The following TRAPPC9 variants were observed in gnomAD, a reference collection of about 807,000 sequenced individuals.
TRAPPC9 encodes trafficking protein particle complex subunit 9.
Under a neutral mutation model 124.0 loss-of-function variants are expected in TRAPPC9, and 83 were observed. That is an observed-to-expected ratio of 0.67 (90% CI 0.56 to 0.80). TRAPPC9 has a LOEUF of 0.80. Ranked by LOEUF, TRAPPC9 falls within the 30% of genes least tolerant of loss-of-function variation. The pLI, the probability that TRAPPC9 is intolerant of heterozygous loss-of-function variation, is 0.00. For synonymous variants in TRAPPC9, 638 were observed against 617.5 expected (o/e 1.03, Z -0.49); for missense variants, 1,302 against 1,508.3 (o/e 0.86, Z 2.27).
rs533864077 is a variant in TRAPPC9 at position 139,785,523 on chromosome 8, C to T, written c.3056-53321G>A. ...GACTAGCCTGGCCAACATGGTGAAA[C>T]CTCATCTCTACTAAACACACACACA... On this transcript the variant is annotated intron_variant, in intron 21 of 22. Coordinates refer to ENST00000438773, the MANE Select transcript of TRAPPC9 (RefSeq NM_001160372.4). 2.0e-5 allele frequency among the ~76,000 whole-genome samples: 3 copies of T among 149,068 alleles called. 1 individual carries two copies. In the South Asian group the frequency reaches 6.4e-4, roughly 32 times the overall value.
chr8:140,007,988 C>T (rs1838867020), intron 18 of TRAPPC9, among the ~76,000 whole-genome samples: 1 of 152,154 alleles, frequency 6.6e-6, no homozygotes, highest in African/African-American at 2.4e-5. Context: ...ACATGGAACT[C>T]GGGAGCACTA....
intron 10 of TRAPPC9, among the ~76,000 whole-genome samples, chr8:140,307,788 C>G (rs1335647671): frequency 1.3e-5 from 2 of 152,218 alleles, no homozygotes; most frequent in Non-Finnish European, 2.9e-5. Flanking sequence ...ATAGACATCT[C>G]TAGACCTGCC....
intron 21 of TRAPPC9, among the ~76,000 whole-genome samples, chr8:139,856,830 C>T (rs1378486585): frequency 6.6e-6 from 1 of 151,852 alleles, no homozygotes; most frequent in Admixed American, 6.5e-5. Flanking sequence ...CGTGCTCATT[C>T]ATTCAAACAT....
intron 17 of TRAPPC9, among the ~76,000 whole-genome samples, chr8:140,055,423 TA>T (rs760803603): frequency 2.0e-5 from 3 of 151,860 alleles, no homozygotes; most frequent in Admixed American, 2.0e-4. Context: ...CACTCCATGG[TA>T]AAAAAAACTG....
intron 17 of TRAPPC9, among the ~76,000 whole-genome samples, chr8:140,136,049 G>A (rs984272145): frequency 6.6e-6 from 1 of 151,984 alleles, no homozygotes; most frequent in Admixed American, 6.5e-5. Flanking sequence ...GGGGCATGGG[G>A]AGAAAAAAAG....
intron 19 of TRAPPC9, among the ~76,000 whole-genome samples, chr8:139,922,112 T>A (rs1832544261): frequency 6.6e-6 from 1 of 151,974 alleles, no homozygotes; most frequent in African/African-American, 2.4e-5. Flanking sequence ...ATATTTACTG[T>A]TCGCAACAAT....
chr8:140,231,829 C>T (rs140679485), intron 16 of TRAPPC9, among the ~76,000 whole-genome samples: 2,014 of 152,156 alleles, frequency 0.013, 43 homozygotes, highest in African/African-American at 0.046. Context: ...TTAAGTCCTG[C>T]CCCTTCTGTA....
rs926167361 is a variant in TRAPPC9 at position 140,320,328 on chromosome 8, G to A, written c.1496-8954C>T. Among the ~76,000 whole-genome samples the A allele has an allele frequency of 6.6e-5, 10 of 152,212 alleles. No homozygotes were observed. The South Asian group carries it at 1.2e-3, about 19-fold the overall frequency. On this transcript the variant is annotated intron_variant, in intron 9 of 22. Coordinates refer to ENST00000438773, the MANE Select transcript of TRAPPC9 (RefSeq NM_001160372.4). ...AACAAAAGGAAAAGATGGAGCTGAC[G>A]CATCTTTATTTGTACCAACACAGGC... is the stretch of plus-strand genomic sequence containing the variant.
Position 140,250,867 on chromosome 8 carries a change from C to T in TRAPPC9, c.2431+1910G>A, listed in dbSNP as rs570374306. Among the ~76,000 whole-genome samples, 12 of 152,202 alleles carry T rather than the reference C, an allele frequency of 7.9e-5. No homozygotes were observed. In the East Asian group the frequency reaches 2.1e-3, roughly 27 times the overall value. ...TACAAACCACCTGGTGACCATAATT[C>T]AAGGCCTGATTTGGTTTTGTTTTAA... On this transcript the variant is annotated intron_variant, in intron 16 of 22. Transcript: ENST00000438773.
rs138210618 is a variant in TRAPPC9, at chr8:140,247,052, A to C, written c.2431+5725T>G. On this transcript the variant is annotated intron_variant, in intron 16 of 22. Transcript: ENST00000438773. ...CCCATGTTTTAAATTATTGTGATGG[A>C]TACTGTAAGAGCAGATTACCATGAC... Among the ~76,000 whole-genome samples, 1,439 of 152,232 alleles carry C rather than the reference A, an allele frequency of 9.5e-3. 97 individuals are homozygous for C. The highest frequency in any genetic ancestry group is 0.086 in the Admixed American group (1,317 of 15,282).
At chr8:140,163,879 TA>T (rs1374699703) in intron 17 of TRAPPC9, among the ~76,000 whole-genome samples, 1 of 152,156 alleles carries the variant, frequency 6.6e-6, no homozygotes, top group East Asian at 1.9e-4. Flanking sequence ...AACTATATTT[TA>T]AAAAGAAGGT....
chr8:140,387,961 C>T (rs1173257137), intron 7 of TRAPPC9, among the ~76,000 whole-genome samples: 2 of 151,968 alleles, frequency 1.3e-5, no homozygotes, highest in Non-Finnish European at 2.9e-5. Context: ...ACAGCAGAGA[C>T]TCGGAACCAA....
At chr8:140,074,282 G>C (rs1490373366) in intron 17 of TRAPPC9, among the ~76,000 whole-genome samples, 1 of 152,108 alleles carries the variant, frequency 6.6e-6, no homozygotes, top group Non-Finnish European at 1.5e-5. Flanking sequence ...CGGGCCCTGG[G>C]ACACAGCATC....
intron 17 of TRAPPC9, among the ~76,000 whole-genome samples, chr8:140,162,591 G>A (rs534354921): frequency 3.3e-5 from 5 of 152,364 alleles, no homozygotes; most frequent in South Asian, 4.1e-4. Context: ...ATTCAGTTGA[G>A]GGGAAGAGGG....
intron 17 of TRAPPC9, among the ~76,000 whole-genome samples, chr8:140,204,514 C>G (rs1287894443): frequency 6.6e-6 from 1 of 151,702 alleles, no homozygotes; most frequent in Non-Finnish European, 1.5e-5. Flanking sequence ...AGGAGATATA[C>G]CTAATGTAAA....
intron 21 of TRAPPC9, among the ~76,000 whole-genome samples, chr8:139,768,271 C>T (rs894125171): frequency 6.6e-6 from 1 of 152,222 alleles, no homozygotes; most frequent in Non-Finnish European, 1.5e-5. Flanking sequence ...CAGTCATTTA[C>T]TCAGCATTGA....
chr8:140,076,533 C>T (rs1323112152), intron 17 of TRAPPC9, among the ~76,000 whole-genome samples: 3 of 152,252 alleles, frequency 2.0e-5, no homozygotes, highest in South Asian at 4.1e-4. Context: ...CCCGAGCCAA[C>T]GTGTGTCCAT....
chr8:139,967,042 T>C (rs72683284), intron 19 of TRAPPC9, among the ~76,000 whole-genome samples: 1 of 152,360 alleles, frequency 6.6e-6, no homozygotes, highest in Non-Finnish European at 1.5e-5. Flanking sequence ...TGTCTTTAAA[T>C]GCAGTGGAAG....
At chr8:140,109,162 C>T (rs902378687) in intron 17 of TRAPPC9, among the ~76,000 whole-genome samples, 5 of 152,272 alleles carry the variant, frequency 3.3e-5, no homozygotes, top group Admixed American at 2.0e-4. Flanking sequence ...GAGGTCGACA[C>T]AAGCCTCTCG....
Sources: allele counts gnomAD v4.1 joint callset (sites outside exome capture counted in the v4.1 genomes callset), GRCh38; gene constraint gnomAD v4.1.1; transcripts MANE v1.5; gene names NCBI Gene and HGNC (gene_info 2026-07-23, HGNC 2026-07-21).